PBX3: variants seen among roughly 807,000 people sequenced by gnomAD.
PBX3 encodes the protein PBX homeobox 3.
In PBX3, 14 loss-of-function variants were observed where a neutral mutation model predicts 48.5. The ratio of observed to expected loss-of-function variants is 0.29; its 90% CI spans 0.19 to 0.45. PBX3 has a LOEUF of 0.45. Among genes scored for constraint, PBX3 ranks in the 20% least tolerant of loss-of-function variants. The pLI is 1.00. For missense variants in PBX3, 386 were observed against 546.7 expected (o/e 0.71, Z 2.93); for synonymous variants, 210 against 200.3 (o/e 1.05, Z -0.41).
chr9:125,773,419 T>G (rs73667058), intron 2 of PBX3, among the ~76,000 whole-genome samples: 5,488 of 152,234 alleles, frequency 0.036, 349 homozygotes, highest in African/African-American at 0.12. Flanking sequence ...ACCTATCTTA[T>G]GTGCTCCAGT....
At chr9:125,817,217 G>T (rs1838491657) in intron 2 of PBX3, among the ~76,000 whole-genome samples, 1 of 152,198 alleles carries the variant, frequency 6.6e-6, no homozygotes, top group Admixed American at 6.5e-5. Context: ...CTTTAAAGTA[G>T]ATTAGAGATG....
intron 2 of PBX3, among the ~76,000 whole-genome samples, chr9:125,758,234 G>A (rs183829011): frequency 7.9e-5 from 12 of 151,798 alleles, no homozygotes; most frequent in African/African-American, 2.9e-4. Context: ...TTCAATAAAG[G>A]AAATATTTCT....
chr9:125,907,904 A>G (rs73667291), intron 2 of PBX3, among the ~76,000 whole-genome samples: 5,807 of 152,164 alleles, frequency 0.038, 391 homozygotes, highest in African/African-American at 0.13. Flanking sequence ...TTTCTCATCT[A>G]CAAATGAGGC....
intron 2 of PBX3, among the ~76,000 whole-genome samples, chr9:125,902,131 C>T (rs1411351): frequency 0.31 from 46,032 of 150,864 alleles, 8,319 homozygotes; most frequent in Middle Eastern, 0.42. Flanking sequence ...AGGCTAGTAG[C>T]GAGGCAAATA....
At chr9:125,965,789 A>G in intron 8 of PBX3, 42 bp from the exon 9 acceptor site, 1 of 1,421,698 alleles carries the variant, frequency 7.0e-7, no homozygotes, top group Non-Finnish European at 1.0e-6. Flanking sequence ...AGTAGAATTA[A>G]TATGTAGACG....
intron 2 of PBX3, among the ~76,000 whole-genome samples, chr9:125,876,447 C>T (rs921865083): frequency 1.3e-5 from 2 of 152,112 alleles, no homozygotes; most frequent in African/African-American, 2.4e-5. Context: ...CTACTCAATG[C>T]GGAGATGAGG....
At chr9:125,790,566 A>G (rs1837571826) in intron 2 of PBX3, among the ~76,000 whole-genome samples, 1 of 149,972 alleles carries the variant, frequency 6.7e-6, no homozygotes, top group Middle Eastern at 3.6e-3. Context: ...CTATTTCTTT[A>G]TAATTTAATT....
chr9:125,949,917 G>T (rs1842155594), intron 5 of PBX3, among the ~76,000 whole-genome samples: 1 of 152,148 alleles, frequency 6.6e-6, no homozygotes, highest in Admixed American at 6.5e-5. Context: ...CTGGGAGATG[G>T]CTCCACCTTT....
At chr9:125,902,228 C>T (rs1840962942) in intron 2 of PBX3, among the ~76,000 whole-genome samples, 1 of 151,592 alleles carries the variant, frequency 6.6e-6, no homozygotes, top group African/African-American at 2.4e-5. Context: ...GGATTGCATG[C>T]ATATTTGAAA....
intron 5 of PBX3, among the ~76,000 whole-genome samples, chr9:125,960,084 A>T (rs1391515824): frequency 6.6e-6 from 1 of 151,270 alleles, no homozygotes; most frequent in Admixed American, 6.5e-5. Context: ...TTTACATTTG[A>T]CCTGGTTGGA....
chr9:125,953,611 A>G (rs1487523780), intron 5 of PBX3, among the ~76,000 whole-genome samples: 1 of 152,220 alleles, frequency 6.6e-6, no homozygotes, highest in Non-Finnish European at 1.5e-5. Context: ...AGGTTATGCT[A>G]AATAATAAGT....
intron 2 of PBX3, among the ~76,000 whole-genome samples, chr9:125,876,802 CTTTTTTTTTT>C (rs59596389): frequency 7.8e-6 from 1 of 128,974 alleles, no homozygotes; most frequent in Non-Finnish European, 1.7e-5. Context: ...TTCTTTCTTT[CTTTTTTTTTT>C]TTTTTTTTGA....
intron 3 of PBX3, among the ~76,000 whole-genome samples, chr9:125,928,119 G>A (rs982460940): frequency 2.0e-5 from 3 of 151,230 alleles, no homozygotes; most frequent in African/African-American, 7.3e-5. Context: ...GGAGGCGGAG[G>A]CTGCAGTGAG....
At chr9:125,786,342 G>A (rs10986911) in intron 2 of PBX3, among the ~76,000 whole-genome samples, 3,063 of 152,244 alleles carry the variant, frequency 0.02, 173 homozygotes, top group East Asian at 0.17. Context: ...TCACAGTAGA[G>A]GCAGAAAACC....
Position 125,747,575 on chromosome 9 carries a change from G to T in PBX3, c.122G>T (p.Gly41Val), listed in dbSNP as rs1008224254. 1.2e-5 allele frequency: 19 copies of T among 1,606,778 alleles called. No individual in the cohort carries two copies. In the African/African-American group the frequency reaches 1.8e-4, roughly 15 times the overall value. ...GGCCACGAAGGGGCGGACGGCGACG[G>T]CAGGAAGCAGGACATCGGCGACATC... ...PHGHEGADGD[G>V]RKQDIGDILH... is the part of the protein sequence containing the mutation. The change falls in exon 1 of 9, where the codon GGC becomes GTC. Residue 41 changes from glycine (G) to valine (V), a missense_variant. Physicochemically the swap from Gly to Val is moderately radical, Grantham distance 109. Around this residue, in one of 4 missense-constraint regions of PBX3, gnomAD observed 116 missense variants for 98.2 expected, o/e 1.18. Coordinates refer to ENST00000373489, the MANE Select transcript of PBX3 (RefSeq NM_006195.6).
intron 8 of PBX3, among the ~76,000 whole-genome samples, chr9:125,965,066 A>G (rs1842503909): frequency 6.6e-6 from 1 of 152,246 alleles, no homozygotes; most frequent in South Asian, 2.1e-4. Flanking sequence ...CCTGACTGAC[A>G]TAAAAATATG....
chr9:125,748,684 C>T (rs1276615627), intron 2 of PBX3, 61 bp downstream of exon 2: 3 of 1,272,342 alleles, frequency 2.4e-6, no homozygotes, highest in African/African-American at 1.5e-5. Context: ...GGAGCTACTC[C>T]TTCGACTCTC....
chr9:125,810,108 CA>C lies in PBX3; in HGVS notation c.274+61488del, dbSNP rs1209805070. Among the ~76,000 whole-genome samples the C allele has an allele frequency of 2.6e-5, 4 of 152,124 alleles. No individual in the cohort carries two copies. The East Asian group carries it at 5.8e-4, about 22-fold the overall frequency. ...CTGAACTGAGCCACATAGGAATATA[CA>C]AAGTGCACACATCTCAAACATCTAT... On this transcript the variant is annotated intron_variant, in intron 2 of 8. Coordinates refer to ENST00000373489, the MANE Select transcript of PBX3 (RefSeq NM_006195.6).
chr9:125,830,321 A>G (rs1438465466), intron 2 of PBX3, among the ~76,000 whole-genome samples: 2 of 152,186 alleles, frequency 1.3e-5, no homozygotes, highest in South Asian at 2.1e-4. Context: ...CAATAGAACT[A>G]TGAAGAATTA....
Sources: gnomAD v4.1 joint callset for allele counts (sites outside exome capture counted in the v4.1 genomes callset) on GRCh38, gnomAD v4.1.1 for gene constraint, gnomAD v4.1.1 regional missense constraint, MANE v1.5 for transcripts, NCBI Gene and HGNC (gene_info 2026-07-23, HGNC 2026-07-21) for gene names.